The following DHRSX variants were observed in gnomAD, a reference collection of about 807,000 sequenced individuals.
DHRSX encodes dehydrogenase/reductase X-linked, also known as polyprenol dehydrogenase.
In DHRSX, 31 loss-of-function variants were observed where a neutral mutation model predicts 34.0. That is an observed-to-expected ratio of 0.91 (90% CI 0.69 to 1.23). The LOEUF is 1.23. Ranked by LOEUF, DHRSX falls within the 50% of genes most tolerant of loss-of-function variation. The pLI, the probability that DHRSX is intolerant of heterozygous loss-of-function variation, is 0.00. For missense variants in DHRSX, 414 were observed against 428.1 expected, an observed-to-expected ratio of 0.97 and a Z score of 0.29; for synonymous variants, 201 against 183.8, an observed-to-expected ratio of 1.09 and a Z score of -0.76.
intron 1 of DHRSX, among the ~76,000 whole-genome samples, chrX:2,490,980 G>A (rs1175362521): frequency 1.3e-5 from 2 of 152,018 alleles, no homozygotes; most frequent in Admixed American, 6.5e-5. Context: ...ACGTTAATCC[G>A]ACTGCAGCGA....
intron 3 of DHRSX, among the ~76,000 whole-genome samples, chrX:2,383,568 G>T (rs1178961409): frequency 1.1e-4 from 16 of 152,040 alleles, no homozygotes; most frequent in Admixed American, 1.0e-3. Flanking sequence ...CATCATCATT[G>T]TGGCAGCTGT....
intron 1 of DHRSX, among the ~76,000 whole-genome samples, chrX:2,438,009 A>G (rs1305803341): frequency 4.4e-4 from 3 of 6,848 alleles, no homozygotes; most frequent in African/African-American, 1.0e-3. Context: ...AACCATGGGG[A>G]AAAAAAAAAA....
chrX:2,459,550 G>GTA (rs57748851), intron 1 of DHRSX, among the ~76,000 whole-genome samples: 21,237 of 137,166 alleles, frequency 0.15, 1,895 homozygotes, highest in Admixed American at 0.24. Flanking sequence ...GTGTCTGTGT[G>GTA]TATATATATA....
chrX:2,373,731 G>C (rs2043107903), intron 3 of DHRSX, among the ~76,000 whole-genome samples: 3 of 151,832 alleles, frequency 2.0e-5, no homozygotes, highest in Admixed American at 1.3e-4. Context: ...ACCTGACGCG[G>C]TGTGGACAGT....
At chrX:2,472,499 G>A (rs964847841) in intron 1 of DHRSX, among the ~76,000 whole-genome samples, 2 of 152,164 alleles carry the variant, frequency 1.3e-5, no homozygotes, top group African/African-American at 4.8e-5. Flanking sequence ...AAGTAGGCCA[G>A]GAGCAGTGAT....
At chrX:2,245,717 G>T (rs943681058) in intron 5 of DHRSX, among the ~76,000 whole-genome samples, 2 of 148,354 alleles carry the variant, frequency 1.3e-5, no homozygotes, top group Non-Finnish European at 3.0e-5. Flanking sequence ...CAGCACTTTG[G>T]GAGGCCAAGG....
rs755628882 is a variant in DHRSX, at chrX:2,435,306, T to C, written c.110-10002A>G. On this transcript the variant is annotated intron_variant, in intron 1 of 6. Coordinates refer to ENST00000334651, the MANE Select transcript of DHRSX (RefSeq NM_145177.3). ...GGATACGAGTAAAACATAAGATCAATGCATTATTGCCTGAATGTGAATATC... is the reference window on the plus strand; with the variant it reads ...GGATACGAGTAAAACATAAGATCAACGCATTATTGCCTGAATGTGAATATC... Among the ~76,000 whole-genome samples, 6 of 152,280 alleles carry C rather than the reference T, an allele frequency of 3.9e-5. No homozygotes were observed. The South Asian group carries it at 1.2e-3, about 32-fold the overall frequency.
intron 4 of DHRSX, among the ~76,000 whole-genome samples, chrX:2,290,367 G>A (rs1387378202): frequency 5.9e-5 from 9 of 152,144 alleles, no homozygotes; most frequent in East Asian, 1.9e-4. Flanking sequence ...TTAGTACAAA[G>A]AATAATGCTT....
intron 1 of DHRSX, among the ~76,000 whole-genome samples, chrX:2,465,833 AG>A: frequency 6.6e-6 from 1 of 151,538 alleles, no homozygotes; most frequent in African/African-American, 2.4e-5. Flanking sequence ...AAAAGAGAAA[AG>A]AAAACAGACA....
At chrX:2,485,784 GGGAGA>G (rs1338499954) in intron 1 of DHRSX, among the ~76,000 whole-genome samples, 1 of 17,732 alleles carries the variant, frequency 5.6e-5, no homozygotes, top group African/African-American at 2.2e-4. Context: ...AGGGAGAAAA[GGGAGA>G]GAAGGGAGAG....
chrX:2,352,839 C>T (rs934694830), intron 3 of DHRSX, among the ~76,000 whole-genome samples: 1 of 152,134 alleles, frequency 6.6e-6, no homozygotes, highest in African/African-American at 2.4e-5. Context: ...CGGACCAGCA[C>T]GGGCATTGAG....
chrX:2,433,563 GC>G (rs1569500792), intron 1 of DHRSX, among the ~76,000 whole-genome samples: 2 of 151,882 alleles, frequency 1.3e-5, no homozygotes, highest in South Asian at 4.2e-4. Flanking sequence ...TTGTTCCCCA[GC>G]CCCCAGCAGG....
intron 3 of DHRSX, among the ~76,000 whole-genome samples, chrX:2,357,021 A>G (rs2042862836): frequency 6.6e-6 from 1 of 152,136 alleles, no homozygotes; most frequent in Admixed American, 6.6e-5. Flanking sequence ...AAGTGGGTGG[A>G]TCACCTGAGG....
chrX:2,354,445 C>T (rs1313891626), intron 3 of DHRSX, among the ~76,000 whole-genome samples: 1 of 152,162 alleles, frequency 6.6e-6, no homozygotes, highest in Non-Finnish European at 1.5e-5. Context: ...ACAGCCTCCA[C>T]TCCCTGCCCA....
chrX:2,221,494 T>C (rs957497168), intron 6 of DHRSX, among the ~76,000 whole-genome samples: 4 of 152,208 alleles, frequency 2.6e-5, no homozygotes, highest in Non-Finnish European at 5.9e-5. Flanking sequence ...GGCAGATGCA[T>C]ATTAAAATCC....
chrX:2,372,276 G>A (rs1312840486), intron 3 of DHRSX, among the ~76,000 whole-genome samples: 5 of 152,212 alleles, frequency 3.3e-5, no homozygotes, highest in East Asian at 1.9e-4. Flanking sequence ...GTTTTGAGGC[G>A]AAATACATGA....
intron 3 of DHRSX, among the ~76,000 whole-genome samples, chrX:2,406,646 A>G (rs4634817): frequency 0.78 from 118,930 of 151,834 alleles, 47,618 homozygotes; most frequent in African/African-American, 0.95. Context: ...TCACCATGTT[A>G]GCCAGGCTGG....
At position 2,500,804 on chromosome X, in the gene DHRSX, C is replaced by G. The variant is rs2045408712; in HGVS notation, c.109+13G>C. The G allele has an allele frequency of 8.9e-7, 1 of 1,120,710 alleles. No homozygotes were observed. Among genetic ancestry groups the G allele is most frequent in the Non-Finnish European group, 1.1e-6 (1 of 915,152 alleles). The allele number at this position is 1,120,710 out of a possible 1,614,324, so 69.4% of individuals were successfully genotyped here. A position where few individuals can be genotyped will look rare whatever the true frequency, so the allele number is the denominator to read the frequency against. On this transcript the variant is annotated intron_variant, in intron 1 of 6. Transcript: ENST00000334651. ...GGTCCCCGGAGCCCTGACCCCTGCC[C>G]CGCCCCGCTGACCTGGCTCCAGGAA...
chrX:2,343,679 C>G (rs2042667240), intron 3 of DHRSX, among the ~76,000 whole-genome samples: 1 of 152,168 alleles, frequency 6.6e-6, no homozygotes, highest in African/African-American at 2.4e-5. Context: ...TGCAAGATGG[C>G]GACCACTGAT....
Sources: allele counts gnomAD v4.1 joint callset (sites outside exome capture counted in the v4.1 genomes callset), GRCh38; gene constraint gnomAD v4.1.1; transcripts MANE v1.5; gene names NCBI Gene and HGNC (gene_info 2026-07-23, HGNC 2026-07-21).